The following RFTN2 variants were observed in gnomAD, a reference collection of about 807,000 sequenced individuals.
RFTN2 encodes the protein raftlin family member 2, also known as raftlin-2.
In RFTN2, 34 loss-of-function variants were observed where a neutral mutation model predicts 52.7. That is an observed-to-expected ratio of 0.64 (90% CI 0.49 to 0.86). The LOEUF is 0.86. Ranked by LOEUF, RFTN2 falls within the 40% of genes least tolerant of loss-of-function variation. RFTN2 has a pLI of 0.00. For synonymous variants in RFTN2, 203 were observed against 217.7 expected, an observed-to-expected ratio of 0.93 and a Z score of 0.59; for missense variants, 536 against 600.1, an observed-to-expected ratio of 0.89 and a Z score of 1.12.
At chr2:197,643,334 C>T (rs1178040252) in intron 3 of RFTN2, among the ~76,000 whole-genome samples, 1 of 152,066 alleles carries the variant, frequency 6.6e-6, no homozygotes, top group African/African-American at 2.4e-5. Context: ...CTCAAGTGAT[C>T]CTCCTGCCTC....
At chr2:197,575,653 T>C (rs2087398170) in intron 8 of RFTN2, among the ~76,000 whole-genome samples, 1 of 151,584 alleles carries the variant, frequency 6.6e-6, no homozygotes, top group Admixed American at 6.6e-5. Context: ...TAGTCCCAGC[T>C]ACTCAGGAGG....
At chr2:197,634,869 A>C in intron 3 of RFTN2, among the ~76,000 whole-genome samples, 2 of 149,766 alleles carry the variant, frequency 1.3e-5, no homozygotes, top group African/African-American at 4.9e-5. Flanking sequence ...TATATCTCCC[A>C]ATGCTATAGC....
intron 8 of RFTN2, among the ~76,000 whole-genome samples, chr2:197,591,340 T>C (rs113990162): frequency 0.16 from 23,826 of 152,162 alleles, 2,094 homozygotes; most frequent in Middle Eastern, 0.28. Context: ...AATTGGTGTA[T>C]CCACAAACCC....
chr2:197,633,177 C>A (rs1023372084), intron 4 of RFTN2, among the ~76,000 whole-genome samples: 1 of 152,170 alleles, frequency 6.6e-6, no homozygotes, highest in African/African-American at 2.4e-5. Flanking sequence ...CTAGCTGGCA[C>A]AGAAGAATAC....
At chr2:197,641,389 A>G (rs1200391689) in intron 3 of RFTN2, among the ~76,000 whole-genome samples, 1 of 152,198 alleles carries the variant, frequency 6.6e-6, no homozygotes, top group African/African-American at 2.4e-5. Flanking sequence ...ATTTTCCTTT[A>G]TATCAGTTGT....
chr2:197,659,681 G>A (rs959922724), intron 1 of RFTN2, among the ~76,000 whole-genome samples: 1 of 151,912 alleles, frequency 6.6e-6, no homozygotes, highest in Non-Finnish European at 1.5e-5. Context: ...ACCTGGCGTG[G>A]TGGCGTGTGC....
At chr2:197,636,019 C>G (rs1379006841) in intron 3 of RFTN2, among the ~76,000 whole-genome samples, 2 of 142,884 alleles carry the variant, frequency 1.4e-5, no homozygotes, top group Admixed American at 7.0e-5. Context: ...GCTTGTTTTT[C>G]TCAGGTTTGT....
intron 8 of RFTN2, among the ~76,000 whole-genome samples, chr2:197,578,733 C>T (rs2087458664): frequency 6.6e-6 from 1 of 152,230 alleles, no homozygotes; most frequent in African/African-American, 2.4e-5. Flanking sequence ...TTATTGCTCA[C>T]ACAAAGCCTG....
chr2:197,620,759 G>T (rs1265339284), intron 5 of RFTN2, among the ~76,000 whole-genome samples: 2 of 152,198 alleles, frequency 1.3e-5, no homozygotes, highest in Non-Finnish European at 2.9e-5. Flanking sequence ...CTGCGGTAGG[G>T]AGTTTGAGAC....
intron 8 of RFTN2, among the ~76,000 whole-genome samples, chr2:197,594,668 G>A (rs2087768761): frequency 1.3e-5 from 2 of 152,178 alleles, no homozygotes; most frequent in South Asian, 4.1e-4. Context: ...ATGAACTTGA[G>A]TCATCCTCAT....
chr2:197,624,977 G>A (rs1243280843), intron 5 of RFTN2, among the ~76,000 whole-genome samples: 3 of 151,990 alleles, frequency 2.0e-5, no homozygotes, highest in Non-Finnish European at 4.4e-5. Context: ...ATTAGAAATT[G>A]CTACAGCCAC....
Position 197,601,864 on chromosome 2 carries a change from G to A in RFTN2, c.1155-5795C>T, listed in dbSNP as rs2087886134. 2.6e-5 allele frequency among the ~76,000 whole-genome samples: 4 copies of A among 152,052 alleles called. No homozygotes were observed. The South Asian group carries it at 6.2e-4, about 24-fold the overall frequency. ...AGGTCCTGATGTTAGTGTGGCAAAC[G>A]GAAGAAGAGACAGGAGCAAGTTCAT... On this transcript the variant is annotated intron_variant, in intron 7 of 8. Transcript: ENST00000295049.
intron 7 of RFTN2, among the ~76,000 whole-genome samples, chr2:197,605,749 C>T (rs890046879): frequency 6.6e-6 from 1 of 152,156 alleles, no homozygotes; most frequent in African/African-American, 2.4e-5. Context: ...CTTATTGCAG[C>T]GTTCCAGGCA....
chr2:197,618,199 C>CCTCAGCTT (rs1220766584), intron 5 of RFTN2, among the ~76,000 whole-genome samples: 1 of 152,056 alleles, frequency 6.6e-6, no homozygotes, highest in Non-Finnish European at 1.5e-5. Context: ...GATTCTCCTG[C>CCTCAGCTT]CTCAGCTTGC....
rs1574666452 is a variant in RFTN2 at position 197,568,772 on chromosome 2, G to A, written c.*3236C>T. The A allele has an allele frequency of 6.6e-6, 1 of 152,176 alleles. No individual in the cohort carries two copies. Among genetic ancestry groups the A allele is most frequent in the South Asian group, 2.1e-4 (1 of 4,834 alleles). The allele number at this position is 152,176 out of a possible 1,614,324, so 9.4% of individuals were successfully genotyped here. ...GGGCCACAGTCCTTCCAGCCAAGAA[G>A]GAATGGTGGTGAGGAATCAATAACA... On this transcript the variant is annotated 3_prime_UTR_variant, in exon 9 of 9. Coordinates refer to ENST00000295049, the MANE Select transcript of RFTN2 (RefSeq NM_144629.3).
intron 1 of RFTN2, among the ~76,000 whole-genome samples, chr2:197,649,901 C>T (rs1415864876): frequency 6.6e-6 from 1 of 152,146 alleles, no homozygotes; most frequent in African/African-American, 2.4e-5. Flanking sequence ...TGTATTTTTA[C>T]CAGATACTCA....
At chr2:197,596,154 T>A in intron 7 of RFTN2, 85 bp from the exon 8 acceptor site, 1 of 667,556 alleles carries the variant, frequency 1.5e-6, no homozygotes, top group East Asian at 3.1e-5. Flanking sequence ...CATATGTAGT[T>A]TTGTAAAATA....
intron 5 of RFTN2, among the ~76,000 whole-genome samples, chr2:197,626,013 TC>T (rs954550239): frequency 3.9e-5 from 6 of 152,120 alleles, no homozygotes; most frequent in Non-Finnish European, 8.8e-5. Context: ...AGTCTTGAAC[TC>T]CTGACCTCAA....
At chr2:197,591,166 T>C (rs955709567) in intron 8 of RFTN2, among the ~76,000 whole-genome samples, 2 of 152,086 alleles carry the variant, frequency 1.3e-5, no homozygotes, top group Admixed American at 1.3e-4. Flanking sequence ...AAATACAGAG[T>C]GCTCTTTGGT....
Sources: allele counts gnomAD v4.1 joint callset (sites outside exome capture counted in the v4.1 genomes callset), GRCh38; gene constraint gnomAD v4.1.1; transcripts MANE v1.5; gene names NCBI Gene and HGNC (gene_info 2026-07-23, HGNC 2026-07-21).